Variants in CNKSR2 observed in about 807,000 individuals in gnomAD.
The protein encoded by CNKSR2 is CNK homolog protein 2.
Under a neutral mutation model 84.4 loss-of-function variants are expected in CNKSR2, and 14 were observed. The observed-to-expected ratio is 0.17, with a 90% CI of 0.11 to 0.26. The LOEUF (loss-of-function observed/expected upper bound fraction) is 0.26, where lower values mean the gene tolerates loss of function less well. Among genes scored for constraint, CNKSR2 ranks in the 10% least tolerant of loss-of-function variants. The probability of loss-of-function intolerance (pLI) is 1.00; values close to 1 mark genes in which losing one functional copy is unlikely to be tolerated. For missense variants in CNKSR2, 485 were observed against 771.2 expected (o/e 0.63, Z 4.40); for synonymous variants, 275 against 277.9 (o/e 0.99, Z 0.10).
intron 7 of CNKSR2, among the ~76,000 whole-genome samples, chrX:21,498,596 C>A (rs2091526688): frequency 1.8e-5 from 2 of 111,653 alleles, no homozygotes; most frequent in African/African-American, 6.5e-5. Context: ...GCACTACATA[C>A]CTCACTAGGT....
At chrX:21,446,534 T>C (rs1364564635) in intron 4 of CNKSR2, among the ~76,000 whole-genome samples, 3 of 111,314 alleles carry the variant, frequency 2.7e-5, no homozygotes, top group Middle Eastern at 8.4e-3. Flanking sequence ...TGGGGCATAA[T>C]AACTTATTAT....
intron 6 of CNKSR2, chrX:21,490,780 A>G (rs2091434366): frequency 7.1e-6 from 2 of 280,892 alleles, no homozygotes; most frequent in Admixed American, 6.5e-5. Context: ...ATGAAGGAGA[A>G]TTGAAAATGG....
At chrX:21,551,857 C>T (rs952621205) in intron 11 of CNKSR2, among the ~76,000 whole-genome samples, 1 of 111,444 alleles carries the variant, frequency 9.0e-6, no homozygotes, top group African/African-American at 3.3e-5. Context: ...CCTTGTATGG[C>T]ACAGAGGTGA....
chrX:21,454,783 T>C (rs780558475), intron 4 of CNKSR2, among the ~76,000 whole-genome samples: 18 of 112,254 alleles, frequency 1.6e-4, no homozygotes, highest in Admixed American at 6.6e-4. Flanking sequence ...TATAATATTT[T>C]ACAATTTATG....
At chrX:21,541,530 G>A (rs767503027) in intron 11 of CNKSR2, among the ~76,000 whole-genome samples, 1 of 111,425 alleles carries the variant, frequency 9.0e-6, no homozygotes, top group Admixed American at 9.5e-5. Flanking sequence ...ATGCACAGCT[G>A]ATCCCAATGC....
chrX:21,595,082 GT>G (rs377308727), intron 16 of CNKSR2, 35 bp downstream of exon 16: 5,552 of 804,921 alleles, frequency 6.9e-3, no homozygotes, highest in Non-Finnish European at 8.1e-3. Context: ...GGGAACGATA[GT>G]TTTTTTTTTT....
chrX:21,531,402 T>C (rs1280835834), intron 10 of CNKSR2, among the ~76,000 whole-genome samples: 1 of 110,680 alleles, frequency 9.0e-6, no homozygotes, highest in African/African-American at 3.3e-5. Context: ...GAAGAAAGCA[T>C]TATACTTAAG....
chrX:21,644,673 T>A (rs1041574016), intron 20 of CNKSR2: 3 of 111,355 alleles, frequency 2.7e-5, no homozygotes, highest in Non-Finnish European at 3.8e-5. Flanking sequence ...ATTCTACTCG[T>A]GGAAAAGTCA....
At chrX:21,568,044 T>C (rs2092255010) in intron 13 of CNKSR2, among the ~76,000 whole-genome samples, 1 of 111,664 alleles carries the variant, frequency 9.0e-6, no homozygotes, top group South Asian at 3.7e-4. Flanking sequence ...TCCCAGCACT[T>C]TGGGAGGCCA....
intron 11 of CNKSR2, among the ~76,000 whole-genome samples, chrX:21,556,515 A>G (rs779349344): frequency 1.8e-5 from 2 of 111,253 alleles, no homozygotes; most frequent in Non-Finnish European, 3.8e-5. Context: ...TGAATTTATG[A>G]TAAGAAGAGA....
In CNKSR2 at chrX:21,652,649, A is replaced by G. The variant is rs1364503573; in HGVS notation, c.*128A>G. The G allele has an allele frequency of 1.2e-5, 6 of 480,242 alleles. No individual in the cohort carries two copies. In the East Asian group the frequency reaches 2.2e-4, roughly 17 times the overall value. The allele number at this position is 480,242 out of a possible 1,213,427, so 39.6% of individuals were successfully genotyped here. A position where few individuals can be genotyped will look rare whatever the true frequency, so the allele number is the denominator to read the frequency against. ...AATGTTACCAAACTATATGAAACAAACCATATATGGTCACAATACCACTAT... is the reference window on the plus strand; with the variant it reads ...AATGTTACCAAACTATATGAAACAAGCCATATATGGTCACAATACCACTAT... On this transcript the variant is annotated 3_prime_UTR_variant, in exon 22 of 22. Transcript: ENST00000379510.
intron 4 of CNKSR2, among the ~76,000 whole-genome samples, chrX:21,445,950 T>C (rs2090849232): frequency 9.0e-6 from 1 of 111,724 alleles, no homozygotes; most frequent in African/African-American, 3.2e-5. Context: ...TTCCTTTCCA[T>C]TGGATAAATA....
intron 4 of CNKSR2, among the ~76,000 whole-genome samples, chrX:21,458,829 G>T (rs1007810560): frequency 7.3e-5 from 8 of 109,674 alleles, no homozygotes; most frequent in Non-Finnish European, 9.5e-5. Flanking sequence ...TCATCATTTA[G>T]CTCCCACTTA....
chrX:21,384,824 T>C (rs995576794), intron 1 of CNKSR2, among the ~76,000 whole-genome samples: 1 of 112,129 alleles, frequency 8.9e-6, no homozygotes, highest in African/African-American at 3.2e-5. Context: ...TTAATATAGC[T>C]TGGTTCTTCT....
intron 13 of CNKSR2, among the ~76,000 whole-genome samples, chrX:21,570,076 A>G (rs2092272441): frequency 1.8e-5 from 2 of 112,148 alleles, no homozygotes; most frequent in South Asian, 3.7e-4. Flanking sequence ...CTTCAAGTTA[A>G]AGTCATCAGC....
At chrX:21,642,804 C>A in intron 20 of CNKSR2, 1 of 725,543 alleles carries the variant, frequency 1.4e-6, no homozygotes, top group Non-Finnish European at 1.6e-6. Context: ...AAGAAGTAAT[C>A]AGTGCTTCTT....
At chrX:21,429,228 A>G (rs2090603544) in intron 2 of CNKSR2, 1 of 112,415 alleles carries the variant, frequency 8.9e-6, no homozygotes, top group South Asian at 3.7e-4. Flanking sequence ...TGGTTCTGGC[A>G]CATGGTAATG....
intron 1 of CNKSR2, among the ~76,000 whole-genome samples, chrX:21,412,264 C>G (rs909462526): frequency 8.9e-6 from 1 of 112,122 alleles, no homozygotes; most frequent in Non-Finnish European, 1.9e-5. Flanking sequence ...TACCTCCCAC[C>G]TGGAAGACTG....
intron 15 of CNKSR2, chrX:21,591,594 C>T (rs1194613619): frequency 1.8e-5 from 2 of 109,066 alleles, no homozygotes; most frequent in South Asian, 4.0e-4. Context: ...GAAGGGGAAG[C>T]CCTTTACTAA....
Sources: gnomAD v4.1 joint callset for allele counts (sites outside exome capture counted in the v4.1 genomes callset) on GRCh38, gnomAD v4.1.1 for gene constraint, MANE v1.5 for transcripts, NCBI Gene and HGNC (gene_info 2026-07-23, HGNC 2026-07-21) for gene names.